HMMR: variants seen among roughly 807,000 people sequenced by gnomAD.
The protein encoded by HMMR is intracellular hyaluronic acid-binding protein.
In HMMR, 108 loss-of-function variants were observed where a neutral mutation model predicts 101.0. The observed-to-expected ratio is 1.07, with a 90% CI of 0.92 to 1.25. The LOEUF is 1.25. Among genes scored for constraint, HMMR ranks in the 50% most tolerant of loss-of-function variants. The pLI, the probability that HMMR is intolerant of heterozygous loss-of-function variation, is 0.00. For synonymous variants in HMMR, 296 were observed against 276.4 expected (o/e 1.07, Z -0.70); for missense variants, 813 against 788.7 (o/e 1.03, Z -0.37).
At chr5:163,480,984 G>C (rs7704594) in intron 12 of HMMR, among the ~76,000 whole-genome samples, 12,969 of 151,796 alleles carry the variant, frequency 0.085, 714 homozygotes, top group African/African-American at 0.17. Context: ...TCTCATTTAA[G>C]AACTTCTTTC....
rs374594759 is a variant in HMMR, at chr5:163,471,272, G to A, written c.549+1G>A. 1 of 1,610,864 alleles carries A rather than the reference G, an allele frequency of 6.2e-7. No individual in the cohort carries two copies. Among genetic ancestry groups the A allele is most frequent in the Non-Finnish European group, 8.5e-7 (1 of 1,177,032 alleles). On this transcript the variant is annotated splice_donor_variant, in intron 6 of 17. Coordinates refer to ENST00000393915, the MANE Select transcript of HMMR (RefSeq NM_001142556.2). LOFTEE classifies it high-confidence loss of function. ...AAACAAAAGAGAAACAAAGATGAGG[G>A]TGAGTGCTGCCCTTGGCAGGTTTGC...
chr5:163,473,541 G>C lies in HMMR; in HGVS notation c.888G>C (p.Leu296=). The change falls in exon 9 of 18, where the codon CTG becomes CTC. Residue 296 remains leucine (L), a synonymous_variant. Coordinates refer to ENST00000393915, the MANE Select transcript of HMMR (RefSeq NM_001142556.2). The part of the protein sequence containing the change: ...QVEDLNVKCQ[L]LEKEKEDHVN... ...AAGATCTAAATGTGAAATGTCAGCTGCTTGAAAAAGAAAAAGGTATTACAG... is the reference window on the plus strand; with the variant it reads ...AAGATCTAAATGTGAAATGTCAGCTCCTTGAAAAAGAAAAAGGTATTACAG... 6.4e-7 allele frequency: 1 copy of C among 1,567,028 alleles called. No homozygotes were observed. Among genetic ancestry groups the C allele is most frequent in the South Asian group, 1.2e-5 (1 of 85,522 alleles).
intron 12 of HMMR, among the ~76,000 whole-genome samples, chr5:163,482,232 A>G (rs1024855522): frequency 1.3e-5 from 2 of 152,080 alleles, no homozygotes; most frequent in Non-Finnish European, 2.9e-5. Flanking sequence ...GGACACCTTT[A>G]ATGGTTCCCG....
At chr5:163,467,318 C>T (rs540329623) in intron 3 of HMMR, among the ~76,000 whole-genome samples, 3 of 152,240 alleles carry the variant, frequency 2.0e-5, no homozygotes, top group African/African-American at 7.2e-5. Flanking sequence ...TTTTCCTCTT[C>T]GGGTATCAAA....
rs778818119 is a variant in HMMR, at chr5:163,474,143, C to T, written c.991C>T (p.Gln331Ter). The change falls in exon 10 of 18, where the codon CAG becomes TAG. Residue 331 changes from glutamine to a stop codon, truncating the protein, a stop_gained. Transcript: ENST00000393915. LOFTEE classifies it high-confidence loss of function. ...NLKQKFILEQ[Q>*]EREKLQQKEL... ...AAAACAGAAGTTTATTCTTGAACAA[C>T]AGGAACGTGAAAAGCTTCAACAAAA... 1.9e-6 allele frequency: 3 copies of T among 1,611,220 alleles called. No homozygotes were observed. Among genetic ancestry groups the T allele is most frequent in the East Asian group, 2.2e-5 (1 of 44,712 alleles).
At chr5:163,482,887 T>C (rs1256006734) in intron 13 of HMMR, 99 bp downstream of exon 13, 22 of 1,334,510 alleles carry the variant, frequency 1.6e-5, no homozygotes, top group Non-Finnish European at 2.3e-5. Flanking sequence ...CATCTTATAC[T>C]GCAAATTAAG....
intron 16 of HMMR, among the ~76,000 whole-genome samples, chr5:163,489,093 T>A (rs1439040280): frequency 6.6e-6 from 1 of 152,232 alleles, no homozygotes; most frequent in Non-Finnish European, 1.5e-5. Flanking sequence ...CCTCAGATCA[T>A]GAGGCATTAG....
Position 163,482,696 on chromosome 5 carries a change from A to G in HMMR, c.1440A>G (p.Ser480=). The part of the protein sequence containing the change: ...EIEDLKLENS[S]LQEKAAKAGK... Reference sequence around the variant, plus strand: ...AAGATCTTAAGCTGGAGAACTCATCATTACAGGAAAAAGCGGCCAAGGCTG... The same window carrying G: ...AAGATCTTAAGCTGGAGAACTCATCGTTACAGGAAAAAGCGGCCAAGGCTG... Residue 480 remains serine (S), a synonymous_variant, in exon 13 of 18, where the codon TCA becomes TCG. Transcript: ENST00000393915. 1 of 1,613,062 alleles carries G rather than the reference A, an allele frequency of 6.2e-7. No individual in the cohort carries two copies. The highest frequency in any genetic ancestry group is 1.1e-5 in the South Asian group (1 of 91,054).
chr5:163,460,709 C>A lies in HMMR; in HGVS notation c.17C>A (p.Ala6Glu). The change falls in exon 1 of 18, where the codon GCG becomes GAG. Residue 6 changes from alanine to glutamate, a missense_variant. Coordinates refer to ENST00000393915, the MANE Select transcript of HMMR (RefSeq NM_001142556.2). MSFPK[A>E]PLKRFNDPSG... ...GCCGTCAACATGTCCTTTCCTAAGG[C>A]GCCCTTGAAACGATTCAATGACCCT... 6.2e-7 allele frequency: 1 copy of A among 1,608,040 alleles called. No individual in the cohort carries two copies. Among genetic ancestry groups the A allele is most frequent in the Non-Finnish European group, 8.5e-7 (1 of 1,177,218 alleles).
intron 16 of HMMR, 150 bp downstream of exon 16, chr5:163,484,395 G>C (rs2113511448): frequency 1.9e-6 from 1 of 536,944 alleles, no homozygotes; most frequent in South Asian, 3.2e-5. Context: ...ATTTATTTTA[G>C]AGTGTTGACC....
rs982207825 is a variant in HMMR at position 163,474,016 on chromosome 5, C to T, written c.905-41C>T. 9 of 1,543,882 alleles carry T rather than the reference C, an allele frequency of 5.8e-6. No individual in the cohort carries two copies. In the African/African-American group the frequency reaches 9.6e-5, roughly 16 times the overall value. The stretch of plus-strand genomic sequence containing the variant: ...GTCCAGGTTTCTCAGTCTTAATGTT[C>T]TTATCTAATTCCAGTATTCTTGATG... On this transcript the variant is annotated intron_variant, in intron 9 of 17. Transcript: ENST00000393915.
At chr5:163,475,435 G>T in intron 10 of HMMR, 23 bp from the exon 11 acceptor site, 1 of 1,392,702 alleles carries the variant, frequency 7.2e-7, no homozygotes. Context: ...AAATTATTTT[G>T]GTGGTTTTCT....
intron 3 of HMMR, chr5:163,465,011 T>C (rs1055376800): frequency 5.6e-5 from 29 of 519,142 alleles, no homozygotes; most frequent in Admixed American, 1.8e-4. Context: ...TTCACAATTA[T>C]AATGGTCTTC....
intron 15 of HMMR, 116 bp downstream of exon 15, chr5:163,483,483 A>G: frequency 3.4e-6 from 2 of 594,676 alleles, no homozygotes; most frequent in South Asian, 2.7e-5. Context: ...CTGCACTTAC[A>G]GTGCCAATTT....
Position 163,490,564 on chromosome 5 carries a change from A to G in HMMR, c.2125+12A>G, listed in dbSNP as rs750847397. 7 of 1,564,118 alleles carry G rather than the reference A, an allele frequency of 4.5e-6. No homozygotes were observed. Among genetic ancestry groups the G allele is most frequent in the Non-Finnish European group, 6.1e-6 (7 of 1,152,928 alleles). On this transcript the variant is annotated intron_variant, in intron 17 of 17. Transcript: ENST00000393915. Reference sequence around the variant, plus strand: ...CCCATTAAAAGAAGGTAAGACATGAATAAATGTATAAAAGTGTCCTCTTCC... The same window carrying G: ...CCCATTAAAAGAAGGTAAGACATGAGTAAATGTATAAAAGTGTCCTCTTCC...
chr5:163,473,250 T>C lies in HMMR; in HGVS notation c.722T>C (p.Ile241Thr), dbSNP rs754341829. ...TEKLLEYIEEISCASDQVEKY... is the reference protein window; with the variant it reads ...TEKLLEYIEETSCASDQVEKY... ...AAACTCTTGGAATACATCGAAGAAA[T>C]TAGGTAATATGAGCAGTAGCTTTAA... The change falls in exon 8 of 18, where the codon ATT (isoleucine) becomes ACT (threonine). Residue 241 changes from isoleucine (I) to threonine (T), a missense_variant. Physicochemically the swap from Ile to Thr is moderately conservative, Grantham distance 89 (BLOSUM62 -1). Coordinates refer to ENST00000393915, the MANE Select transcript of HMMR (RefSeq NM_001142556.2). 1 of 1,551,198 alleles carries C rather than the reference T, an allele frequency of 6.4e-7. No individual in the cohort carries two copies. Among genetic ancestry groups the C allele is most frequent in the Non-Finnish European group, 8.9e-7 (1 of 1,126,800 alleles).
At position 163,490,254 on chromosome 5, in the gene HMMR, T is replaced by C. The variant is rs907385078; in HGVS notation, c.1963-136T>C. 18 of 564,272 alleles carry C rather than the reference T, an allele frequency of 3.2e-5. No individual in the cohort carries two copies. The Admixed American group carries it at 5.5e-4, about 17-fold the overall frequency. 35.0% of individuals were successfully genotyped at this position (564,272 alleles called of 1,614,324 possible). ...CATTTTGTAATTCAGTCTTAAAGCCTGTGTCTAGTAGTGATTTTTGCTGTT... is the reference window on the plus strand; with the variant it reads ...CATTTTGTAATTCAGTCTTAAAGCCCGTGTCTAGTAGTGATTTTTGCTGTT... On this transcript the variant is annotated intron_variant, in intron 16 of 17. Coordinates refer to ENST00000393915, the MANE Select transcript of HMMR (RefSeq NM_001142556.2).
At position 163,491,205 on chromosome 5, in the gene HMMR, T is replaced by C. The variant is rs748302760; in HGVS notation, c.*41T>C. On this transcript the variant is annotated 3_prime_UTR_variant, in exon 18 of 18. Transcript: ENST00000393915. Reference sequence around the variant, plus strand: ...GTTGAAGATTATTTCATTCGTCTTGTTGTTATTGATGTTGCTGTTATTATA... The same window carrying C: ...GTTGAAGATTATTTCATTCGTCTTGCTGTTATTGATGTTGCTGTTATTATA... 2.0e-5 allele frequency: 22 copies of C among 1,122,950 alleles called. 1 individual carries two copies. The South Asian group carries it at 2.9e-4, about 15-fold the overall frequency. 69.6% of individuals were successfully genotyped at this position (1,122,950 alleles called of 1,614,324 possible).
chr5:163,466,914 C>T (rs1415605080), intron 3 of HMMR, among the ~76,000 whole-genome samples: 1 of 152,158 alleles, frequency 6.6e-6, no homozygotes, highest in East Asian at 1.9e-4. Flanking sequence ...AGTGGTTTGA[C>T]TTAAATTTCT....
Sources: gnomAD v4.1 joint callset for allele counts (sites outside exome capture counted in the v4.1 genomes callset) on GRCh38, gnomAD v4.1.1 for gene constraint, MANE v1.5 for transcripts, NCBI Gene and HGNC (gene_info 2026-07-23, HGNC 2026-07-21) for gene names.